Variants in TAF9B observed in about 807,000 individuals in gnomAD.
TAF9B encodes the protein TATA-box binding protein associated factor 9b.
A neutral mutation model predicts 17.6 loss-of-function variants in TAF9B; 47 were observed. The ratio of observed to expected loss-of-function variants is 2.68; its 90% CI spans 2.12 to 3.41. TAF9B has a LOEUF of 3.41. TAF9B is among the 30% of genes most tolerant of loss of function. The pLI, the probability that TAF9B is intolerant of heterozygous loss-of-function variation, is 0.00. For missense variants in TAF9B, 218 were observed against 189.3 expected (o/e 1.15, Z -0.89); for synonymous variants, 84 against 68.7 (o/e 1.22, Z -1.10).
chrX:78,138,180 C>T (rs917533164), intron 2 of TAF9B, 82 bp from the exon 3 acceptor site: 257 of 1,016,180 alleles, frequency 2.5e-4, no homozygotes, highest in Non-Finnish European at 3.3e-4. Flanking sequence ...AAACTTTCCA[C>T]TAATTTGTAG....
At position 78,130,808 on chromosome X, in the gene TAF9B, T is replaced by TAACA. The variant is rs1557249351; in HGVS notation, c.*798_*801dup. On this transcript the variant is annotated 3_prime_UTR_variant, in exon 7 of 7. Transcript: ENST00000341864. ...TACCTGTCAAAAGCACAGTAAAGCT[T>TAACA]AACAGGCATAAAAACTAAGGGGTAA... is the stretch of plus-strand genomic sequence containing the variant. 8.9e-6 allele frequency: 1 copy of TAACA among 112,160 alleles called. No homozygotes were observed. Among genetic ancestry groups the TAACA allele is most frequent in the African/African-American group, 3.2e-5 (1 of 30,806 alleles). 9.2% of individuals were successfully genotyped at this position (112,160 alleles called of 1,213,427 possible).
rs1233011742 is a variant in TAF9B at position 78,139,476 on chromosome X, A to ACCCTCAGG, written c.51+77_51+84dup. The ACCCTCAGG allele has an allele frequency of 2.1e-5, 25 of 1,167,402 alleles. No homozygotes were observed. The Middle Eastern group carries it at 7.5e-4, about 35-fold the overall frequency. Reference sequence around the variant, plus strand: ...TAGACTGAAACGAGCGTGCGAGCCGACCCTCAGGCCCTCAGCGTGGCCCCG... The same window carrying ACCCTCAGG: ...TAGACTGAAACGAGCGTGCGAGCCGACCCTCAGGCCCTCAGGCCCTCAGCGTGGCCCCG... On this transcript the variant is annotated intron_variant, in intron 1 of 6. Coordinates refer to ENST00000341864, the MANE Select transcript of TAF9B (RefSeq NM_015975.5).
chrX:78,137,045 GAATGAA>G lies in TAF9B; in HGVS notation c.406-61_406-56del, dbSNP rs1335687215. 71 of 890,845 alleles carry G rather than the reference GAATGAA, an allele frequency of 8.0e-5. No homozygotes were observed. The African/African-American group carries it at 1.3e-3, about 16-fold the overall frequency. 73.4% of individuals were successfully genotyped at this position (890,845 alleles called of 1,213,427 possible). ...AAGATGTGACACCTAAATTTACCAG[GAATGAA>G]ATTAGGATTGCTGATGTAAATGATT... On this transcript the variant is annotated intron_variant, in intron 4 of 6. Coordinates refer to ENST00000341864, the MANE Select transcript of TAF9B (RefSeq NM_015975.5).
chrX:78,137,291 G>A (rs1488011578), intron 4 of TAF9B, among the ~76,000 whole-genome samples: 1 of 111,913 alleles, frequency 8.9e-6, no homozygotes, highest in Non-Finnish European at 1.9e-5. Flanking sequence ...ATCTTAACTG[G>A]TCAATTTCTT....
chrX:78,138,879 G>C lies in TAF9B; in HGVS notation c.97C>G (p.Pro33Ala), dbSNP rs1441948745. The C allele has an allele frequency of 8.3e-7, 1 of 1,208,080 alleles. No individual in the cohort carries two copies. The highest frequency in any genetic ancestry group is 1.7e-5 in the African/African-American group (1 of 57,376). Residue 33 changes from proline to alanine, a missense_variant, in exon 2 of 7, where the codon CCA becomes GCA. Transcript: ENST00000341864. ...TCCAACATTTGATTTATAACCCTTG[G>C]TTCATACTCTGTGATTCCCATATCC... ...LKDMGITEYEPRVINQMLEFA... is the reference protein window; with the variant it reads ...LKDMGITEYEARVINQMLEFA...
chrX:78,135,545 A>G (rs1159159403), intron 5 of TAF9B, among the ~76,000 whole-genome samples: 1 of 110,750 alleles, frequency 9.0e-6, no homozygotes, highest in African/African-American at 3.3e-5. Context: ...CAGTGAGCCA[A>G]GATTGTGCCA....
chrX:78,131,126 ATC>A lies in TAF9B; in HGVS notation c.*482_*483del, dbSNP rs1200471285. The A allele has an allele frequency of 9.1e-6, 1 of 110,162 alleles. No individual in the cohort carries two copies. Among genetic ancestry groups the A allele is most frequent in the Admixed American group, 9.8e-5 (1 of 10,232 alleles). The allele number at this position is 110,162 out of a possible 1,213,427, so 9.1% of individuals were successfully genotyped here. A position where few individuals can be genotyped will look rare whatever the true frequency, so the allele number is the denominator to read the frequency against. Reference sequence around the variant, plus strand: ...CAAATACATCCAAAATGGATTTAGAATCTCTCCTCTAAATCCATCCTTTCCAA... The same window carrying A: ...CAAATACATCCAAAATGGATTTAGAATCTCCTCTAAATCCATCCTTTCCAA... On this transcript the variant is annotated 3_prime_UTR_variant, in exon 7 of 7. Transcript: ENST00000341864.
chrX:78,136,962 C>A lies in TAF9B; in HGVS notation c.434G>T (p.Arg145Leu). The part of the protein sequence containing the change: ...KGPNQGRLVP[R>L]LSVGAVSSKP... ...GCTACTAACAGCACCAACACTTAAT[C>A]GTGGAACTAGTCTCCCTTGGTTAGG... Residue 145 changes from arginine (R) to leucine (L), a missense_variant, in exon 5 of 7, where the codon CGA (arginine) becomes CTA (leucine). By Grantham distance (102) the Arg-to-Leu change is moderately radical. Transcript: ENST00000341864. 3 of 1,205,577 alleles carry A rather than the reference C, an allele frequency of 2.5e-6. No homozygotes were observed. The highest frequency in any genetic ancestry group is 3.4e-6 in the Non-Finnish European group (3 of 890,830).
chrX:78,132,774 C>T (rs1005638148), intron 6 of TAF9B, among the ~76,000 whole-genome samples: 4 of 110,935 alleles, frequency 3.6e-5, no homozygotes, highest in Non-Finnish European at 5.7e-5. Context: ...TCCTTGAAGA[C>T]GACTTAGATT....
chrX:78,130,138 G>A lies in TAF9B; in HGVS notation c.*1472C>T, dbSNP rs1762439365. 8.9e-6 allele frequency: 1 copy of A among 112,037 alleles called. No homozygotes were observed. The highest frequency in any genetic ancestry group is 1.9e-5 in the Non-Finnish European group (1 of 53,192). 9.2% of individuals were successfully genotyped at this position (112,037 alleles called of 1,213,427 possible). A position where few individuals can be genotyped will look rare whatever the true frequency, so the allele number is the denominator to read the frequency against. Reference sequence around the variant, plus strand: ...CTGAAAAACACTAAAACTGATACGAGACATTTGAGACATTTCTTCTCTGTT... The same window carrying A: ...CTGAAAAACACTAAAACTGATACGAAACATTTGAGACATTTCTTCTCTGTT... On this transcript the variant is annotated 3_prime_UTR_variant, in exon 7 of 7. Transcript: ENST00000341864.
chrX:78,138,930 G>C lies in TAF9B; in HGVS notation c.52-6C>G, dbSNP rs781806254. 4 of 1,177,507 alleles carry C rather than the reference G, an allele frequency of 3.4e-6. No homozygotes were observed. Among genetic ancestry groups the C allele is most frequent in the Admixed American group, 4.4e-5 (2 of 45,190 alleles). On this transcript the variant is annotated splice_polypyrimidine_tract_variant and splice_region_variant and intron_variant, in intron 1 of 6. Transcript: ENST00000341864. ...TTCAGGATCTGTGCCATCACCTGTG[G>C]ATTCAAATAAAAACACCAGATGCAG...
intron 2 of TAF9B, among the ~76,000 whole-genome samples, 197 bp from the exon 3 acceptor site, chrX:78,138,295 G>T (rs901791962): frequency 8.9e-6 from 1 of 112,211 alleles, no homozygotes; most frequent in Middle Eastern, 4.2e-3. Context: ...TGAGATTACA[G>T]GTGTAAGCTA....
intron 6 of TAF9B, among the ~76,000 whole-genome samples, chrX:78,133,037 C>T (rs1326857004): frequency 9.0e-6 from 1 of 111,106 alleles, no homozygotes; most frequent in Non-Finnish European, 1.9e-5. Flanking sequence ...AATTTCTTGC[C>T]GTGCCTAATT....
At chrX:78,134,352 T>TA (rs1247813313) in intron 5 of TAF9B, among the ~76,000 whole-genome samples, 4 of 111,977 alleles carry the variant, frequency 3.6e-5, no homozygotes, top group African/African-American at 1.3e-4. Flanking sequence ...ACCTTGCTCC[T>TA]AATAGGTACT....
In TAF9B at chrX:78,131,580, T is replaced by C. The variant is rs1274547639; in HGVS notation, c.*30A>G. ...ACTGGGCTCAAAACCAACTTTCCTT[T>C]TGAAATGCATCTAGACTAGACTATA... On this transcript the variant is annotated 3_prime_UTR_variant, in exon 7 of 7. Transcript: ENST00000341864. 4 of 1,175,169 alleles carry C rather than the reference T, an allele frequency of 3.4e-6. No individual in the cohort carries two copies. In the African/African-American group the frequency reaches 7.1e-5, roughly 21 times the overall value.
At chrX:78,132,127 G>A (rs2078416087) in intron 6 of TAF9B, among the ~76,000 whole-genome samples, 1 of 110,978 alleles carries the variant, frequency 9.0e-6, no homozygotes, top group Admixed American at 9.6e-5. Context: ...CCAAGTAGCC[G>A]GGATTATAGG....
chrX:78,137,484 G>A (rs144644131), intron 4 of TAF9B, among the ~76,000 whole-genome samples: 1 of 111,159 alleles, frequency 9.0e-6, no homozygotes, highest in Non-Finnish European at 1.9e-5. Context: ...GGAAAGACTG[G>A]GAGTTATGAG....
At position 78,129,977 on chromosome X, in the gene TAF9B, CCTT is replaced by C. The variant is rs1387585120; in HGVS notation, c.*1630_*1632del. 1 of 112,008 alleles carries C rather than the reference CCTT, an allele frequency of 8.9e-6. No individual in the cohort carries two copies. Among genetic ancestry groups the C allele is most frequent in the Non-Finnish European group, 1.9e-5 (1 of 53,132 alleles). The allele number at this position is 112,008 out of a possible 1,213,427, so 9.2% of individuals were successfully genotyped here. On this transcript the variant is annotated 3_prime_UTR_variant, in exon 7 of 7. Transcript: ENST00000341864. ...GATGGAGCTAGGACTAGAACCTAGG[CCTT>C]CTGACTTGCTGCCTCCCTGAGAACA... is the stretch of plus-strand genomic sequence containing the variant.
intron 6 of TAF9B, 98 bp from the exon 7 acceptor site, chrX:78,131,871 C>A (rs889512601): frequency 2.5e-6 from 2 of 789,538 alleles, no homozygotes; most frequent in African/African-American, 4.2e-5. Context: ...GAATGTAATT[C>A]TAATACCAAT....
Sources: allele counts gnomAD v4.1 joint callset (sites outside exome capture counted in the v4.1 genomes callset), GRCh38; gene constraint gnomAD v4.1.1; transcripts MANE v1.5; gene names NCBI Gene and HGNC (gene_info 2026-07-23, HGNC 2026-07-21).